GPBAR1: variants seen among roughly 807,000 people sequenced by gnomAD.
GPBAR1 encodes G protein-coupled bile acid receptor 1, also known as G-protein coupled bile acid receptor 1.
In GPBAR1, 13 loss-of-function variants were observed where a neutral mutation model predicts 13.0. The observed-to-expected ratio is 1.00, with a 90% CI of 0.65 to 1.59. GPBAR1 has a LOEUF of 1.59. Ranked by LOEUF, GPBAR1 falls within the 40% of genes most tolerant of loss-of-function variation. GPBAR1 has a pLI of 0.00. For missense variants in GPBAR1, 398 were observed against 436.4 expected (o/e 0.91, Z 0.78); for synonymous variants, 193 against 205.2 (o/e 0.94, Z 0.51).
rs907420454 is a variant in GPBAR1 at position 218,263,351 on chromosome 2, T to C, written c.627T>C (p.Asp209=). ...ICRLERAVCR[D]EPSALARALT... ...GGCTGGAGCGGGCAGTGTGCCGCGATGAGCCCTCCGCCCTGGCCCGGGCCC... is the reference window on the plus strand; with the variant it reads ...GGCTGGAGCGGGCAGTGTGCCGCGACGAGCCCTCCGCCCTGGCCCGGGCCC... Residue 209 remains aspartate (D), a synonymous_variant, in exon 2 of 2, where the codon GAT becomes GAC. Transcript: ENST00000519574. This position sits in a 1 kb window ranked among gnomAD's most constrained non-coding sequence, Gnocchi z 4.2. 1.2e-6 allele frequency: 2 copies of C among 1,600,610 alleles called. No individual in the cohort carries two copies. The highest frequency in any genetic ancestry group is 1.3e-5 in the African/African-American group (1 of 74,802).
chr2:218,262,955 G>C lies in GPBAR1; in HGVS notation c.231G>C (p.Gln77His), dbSNP rs1690477668. ...ALPTLPGLWN[Q>H]SRRGYWSCLL... Reference sequence around the variant, plus strand: ...CCACATTGCCAGGGCTGTGGAACCAGAGTCGCCGGGGTTACTGGTCCTGCC... The same window carrying C: ...CCACATTGCCAGGGCTGTGGAACCACAGTCGCCGGGGTTACTGGTCCTGCC... The change falls in exon 2 of 2, where the codon CAG (glutamine) becomes CAC (histidine). Residue 77 changes from glutamine to histidine, a missense_variant. Transcript: ENST00000519574. The surrounding 1 kb of genome is among the most constrained non-coding windows in gnomAD (Gnocchi z 5.1). 1.2e-6 allele frequency: 2 copies of C among 1,613,846 alleles called. No individual in the cohort carries two copies. The highest frequency in any genetic ancestry group is 2.2e-5 in the South Asian group (2 of 91,074).
Position 218,263,593 on chromosome 2 carries a change from C to G in GPBAR1, c.869C>G (p.Pro290Arg). The G allele has an allele frequency of 6.2e-7, 1 of 1,612,786 alleles. No individual in the cohort carries two copies. The highest frequency in any genetic ancestry group is 8.5e-7 in the Non-Finnish European group (1 of 1,179,840). The part of the protein sequence containing the change: ...MGLGDQRYTA[P>R]WRAAAQRCLQ... ...CTGGGCGATCAGCGCTACACAGCCC[C>G]CTGGAGGGCAGCCGCCCAAAGGTGC... The change falls in exon 2 of 2, where the codon CCC (proline) becomes CGC (arginine). Residue 290 changes from proline to arginine, a missense_variant. Coordinates refer to ENST00000519574, the MANE Select transcript of GPBAR1 (RefSeq NM_170699.3). This position sits in a 1 kb window ranked among gnomAD's most constrained non-coding sequence, Gnocchi z 4.2.
At chr2:218,260,700 A>C (rs1168906971), upstream of GPBAR1, among the ~76,000 whole-genome samples, 1 of 152,194 alleles carries the variant, frequency 6.6e-6, no homozygotes, top group Non-Finnish European at 1.5e-5. Context: ...CCACCATCAC[A>C]CACGGAAGTG....
chr2:218,262,513 A>T lies in GPBAR1; in HGVS notation c.-45-167A>T, dbSNP rs565915956. On this transcript the variant is annotated intron_variant, in intron 1 of 1. Coordinates refer to ENST00000519574, the MANE Select transcript of GPBAR1 (RefSeq NM_170699.3). The surrounding 1 kb of genome is among the most constrained non-coding windows in gnomAD (Gnocchi z 5.1). ...TGAATTTTCAATAGAAACCAAAGAT[A>T]GTTTTTTATATAAATGTTTAATTGG... is the stretch of plus-strand genomic sequence containing the variant. The T allele has an allele frequency of 1.7e-6, 1 of 578,524 alleles. No homozygotes were observed. Among genetic ancestry groups the T allele is most frequent in the African/African-American group, 1.9e-5 (1 of 53,734 alleles). The allele number at this position is 578,524 out of a possible 1,614,324, so 35.8% of individuals were successfully genotyped here.
chr2:218,263,388 C>A lies in GPBAR1; in HGVS notation c.664C>A (p.Gln222Lys), dbSNP rs199890966. 5.0e-6 allele frequency: 8 copies of A among 1,598,204 alleles called. No individual in the cohort carries two copies. Among genetic ancestry groups the A allele is most frequent in the Non-Finnish European group, 6.8e-6 (8 of 1,173,890 alleles). Residue 222 changes from glutamine (Q) to lysine (K), a missense_variant, in exon 2 of 2, where the codon CAG (glutamine) becomes AAG (lysine). Transcript: ENST00000519574. This position sits in a 1 kb window ranked among gnomAD's most constrained non-coding sequence, Gnocchi z 4.2. Reference protein sequence around the residue: ...SALARALTWRQARAQAGAMLL... With the variant: ...SALARALTWRKARAQAGAMLL... ...CCTGGCCCGGGCCCTTACCTGGAGG[C>A]AGGCAAGGGCACAGGCTGGAGCCAT...
chr2:218,262,979 C>T lies in GPBAR1; in HGVS notation c.255C>T (p.Cys85=). The change falls in exon 2 of 2, where the codon TGC becomes TGT. Residue 85 remains cysteine, a synonymous_variant. Transcript: ENST00000519574. This position sits in a 1 kb window ranked among gnomAD's most constrained non-coding sequence, Gnocchi z 5.1. ...WNQSRRGYWS[C]LLVYLAPNFS... is the part of the protein sequence containing the mutation. ...AGAGTCGCCGGGGTTACTGGTCCTG[C>T]CTCCTCGTCTACTTGGCTCCCAACT... The T allele has an allele frequency of 1.9e-6, 3 of 1,613,890 alleles. No individual in the cohort carries two copies. Among genetic ancestry groups the T allele is most frequent in the Non-Finnish European group, 2.5e-6 (3 of 1,179,862 alleles).
chr2:218,259,707 C>T (rs978500494), upstream of GPBAR1: 1 of 152,324 alleles, frequency 6.6e-6, no homozygotes, highest in Non-Finnish European at 1.5e-5. Flanking sequence ...GCCCAGCTCT[C>T]CCGGAGAGCA....
Position 218,262,881 on chromosome 2 carries a change from T to G in GPBAR1, c.157T>G (p.Phe53Val), listed in dbSNP as rs370152013. Residue 53 changes from phenylalanine (F) to valine (V), a missense_variant, in exon 2 of 2, where the codon TTC becomes GTC. By Grantham distance (50) the Phe-to-Val change is conservative. Transcript: ENST00000519574. The surrounding 1 kb of genome is among the most constrained non-coding windows in gnomAD (Gnocchi z 5.1). ...CCTGCGCAGCCCACCTGCTGGCTGC[T>G]TCTTCCTGAGCCTACTGCTGGCTGG... ...RRLRSPPAGC[F>V]FLSLLLAGLL... 6.2e-6 allele frequency: 10 copies of G among 1,612,954 alleles called. No homozygotes were observed. The highest frequency in any genetic ancestry group is 7.6e-6 in the Non-Finnish European group (9 of 1,179,820).
rs1329508030 is a variant in GPBAR1, at chr2:218,263,447, G to A, written c.723G>A (p.Val241=). The A allele has an allele frequency of 1.2e-6, 2 of 1,603,870 alleles. No individual in the cohort carries two copies. Among genetic ancestry groups the A allele is most frequent in the South Asian group, 1.1e-5 (1 of 89,728 alleles). The part of the protein sequence containing the change: ...LLFGLCWGPY[V]ATLLLSVLAY... ...TCGGGCTGTGCTGGGGGCCCTACGT[G>A]GCCACACTGCTCCTCTCAGTCCTGG... Residue 241 remains valine (V), a synonymous_variant, in exon 2 of 2, where the codon GTG becomes GTA. Transcript: ENST00000519574. This position sits in a 1 kb window ranked among gnomAD's most constrained non-coding sequence, Gnocchi z 4.2.
chr2:218,263,081 G>GC lies in GPBAR1; in HGVS notation c.362dup (p.Gly122TrpfsTer89). 1 of 1,613,336 alleles carries GC rather than the reference G, an allele frequency of 6.2e-7. No individual in the cohort carries two copies. The highest frequency in any genetic ancestry group is 8.5e-7 in the Non-Finnish European group (1 of 1,179,850). ...ACATGGCAGTCCTGAGGCCACTCCA[G>GC]CCCCCTGGGAGCATTCGGCTGGCCC... On this transcript the variant is annotated frameshift_variant, in exon 2 of 2. Coordinates refer to ENST00000519574, the MANE Select transcript of GPBAR1 (RefSeq NM_170699.3). LOFTEE classifies it high-confidence loss of function. The surrounding 1 kb of genome is among the most constrained non-coding windows in gnomAD (Gnocchi z 4.2).
At position 218,263,471 on chromosome 2, in the gene GPBAR1, G is replaced by C; in HGVS notation, c.747G>C (p.Leu249=). 1 of 1,606,728 alleles carries C rather than the reference G, an allele frequency of 6.2e-7. No individual in the cohort carries two copies. Among genetic ancestry groups the C allele is most frequent in the Non-Finnish European group, 8.5e-7 (1 of 1,177,322 alleles). Residue 249 remains leucine (L), a synonymous_variant, in exon 2 of 2, where the codon CTG becomes CTC. Coordinates refer to ENST00000519574, the MANE Select transcript of GPBAR1 (RefSeq NM_170699.3). This position sits in a 1 kb window ranked among gnomAD's most constrained non-coding sequence, Gnocchi z 4.2. ...PYVATLLLSV[L]AYEQRPPLGP... ...TGGCCACACTGCTCCTCTCAGTCCT[G>C]GCCTATGAGCAGCGCCCGCCACTGG...
rs927173480 is a variant in GPBAR1, at chr2:218,262,729, C to T, written c.5C>T (p.Thr2Met). The T allele has an allele frequency of 7.6e-6, 12 of 1,581,924 alleles. No homozygotes were observed. Among genetic ancestry groups the T allele is most frequent in the East Asian group, 4.5e-5 (2 of 44,226 alleles). Residue 2 changes from threonine (T) to methionine (M), a missense_variant, in exon 2 of 2, where the codon ACG (threonine) becomes ATG (methionine). By Grantham distance (81) the Thr-to-Met change is moderately conservative. Coordinates refer to ENST00000519574, the MANE Select transcript of GPBAR1 (RefSeq NM_170699.3). This position sits in a 1 kb window ranked among gnomAD's most constrained non-coding sequence, Gnocchi z 5.1. ...TCCCCTGTCCCCAGGACCAAGATGA[C>T]GCCCAACAGCACTGGCGAGGTGCCC... M[T>M]PNSTGEVPSP...
rs749647848 is a variant in GPBAR1, at chr2:218,262,973, G to A, written c.249G>A (p.Trp83Ter). 3.1e-6 allele frequency: 5 copies of A among 1,613,904 alleles called. No individual in the cohort carries two copies. The highest frequency in any genetic ancestry group is 4.2e-6 in the Non-Finnish European group (5 of 1,179,866). The change falls in exon 2 of 2, where the codon TGG (tryptophan) becomes TGA (stop). Residue 83 changes from tryptophan to a stop codon, truncating the protein, a stop_gained. Coordinates refer to ENST00000519574, the MANE Select transcript of GPBAR1 (RefSeq NM_170699.3). LOFTEE classifies it high-confidence loss of function. The surrounding 1 kb of genome is among the most constrained non-coding windows in gnomAD (Gnocchi z 5.1). ...GGAACCAGAGTCGCCGGGGTTACTG[G>A]TCCTGCCTCCTCGTCTACTTGGCTC... ...GLWNQSRRGY[W>*]SCLLVYLAPN...
In GPBAR1 at chr2:218,263,811, C is replaced by G. The variant is rs1417864281; in HGVS notation, c.*94C>G. On this transcript the variant is annotated 3_prime_UTR_variant, in exon 2 of 2. Transcript: ENST00000519574. This position sits in a 1 kb window ranked among gnomAD's most constrained non-coding sequence, Gnocchi z 4.2. The stretch of plus-strand genomic sequence containing the variant: ...GCCCCACTTCTCTGGATCAGAGACC[C>G]TGCCTCTGTTTGACCCCGCACTGAC... 1 of 1,451,834 alleles carries G rather than the reference C, an allele frequency of 6.9e-7. No individual in the cohort carries two copies. Among genetic ancestry groups the G allele is most frequent in the African/African-American group, 1.4e-5 (1 of 71,666 alleles). 89.9% of individuals were successfully genotyped at this position (1,451,834 alleles called of 1,614,324 possible). A position where few individuals can be genotyped will look rare whatever the true frequency, so the allele number is the denominator to read the frequency against.
chr2:218,262,816 C>T lies in GPBAR1; in HGVS notation c.92C>T (p.Ala31Val), dbSNP rs201963856. 3.2e-5 allele frequency: 52 copies of T among 1,613,392 alleles called. No homozygotes were observed. In the Middle Eastern group the frequency reaches 9.9e-4, roughly 31 times the overall value. The change falls in exon 2 of 2, where the codon GCG (alanine) becomes GTG (valine). Residue 31 changes from alanine (A) to valine (V), a missense_variant. Coordinates refer to ENST00000519574, the MANE Select transcript of GPBAR1 (RefSeq NM_170699.3). The surrounding 1 kb of genome is among the most constrained non-coding windows in gnomAD (Gnocchi z 5.1). ...SLALASLIIT[A>V]NLLLALGIAW... ...GCCCTGGCAAGCCTCATCATCACCG[C>T]GAACCTGCTCCTAGCCCTGGGCATC...
chr2:218,262,632 G>A lies in GPBAR1; in HGVS notation c.-45-48G>A, dbSNP rs886252170. 3 of 1,354,054 alleles carry A rather than the reference G, an allele frequency of 2.2e-6. No homozygotes were observed. Among genetic ancestry groups the A allele is most frequent in the African/African-American group, 2.9e-5 (2 of 68,132 alleles). 83.9% of individuals were successfully genotyped at this position (1,354,054 alleles called of 1,614,324 possible). A position where few individuals can be genotyped will look rare whatever the true frequency, so the allele number is the denominator to read the frequency against. On this transcript the variant is annotated intron_variant, in intron 1 of 1. Coordinates refer to ENST00000519574, the MANE Select transcript of GPBAR1 (RefSeq NM_170699.3). This position sits in a 1 kb window ranked among gnomAD's most constrained non-coding sequence, Gnocchi z 5.1. Reference sequence around the variant, plus strand: ...GGATTAACATGCTGCCCTGCCAGGAGGACACGACCTGCAGCCCCATCCTAA... The same window carrying A: ...GGATTAACATGCTGCCCTGCCAGGAAGACACGACCTGCAGCCCCATCCTAA...
At position 218,263,127 on chromosome 2, in the gene GPBAR1, C is replaced by T. The variant is rs994702901; in HGVS notation, c.403C>T (p.Pro135Ser). The T allele has an allele frequency of 4.3e-6, 7 of 1,612,504 alleles. No individual in the cohort carries two copies. In the South Asian group the frequency reaches 4.4e-5, roughly 10 times the overall value. ...GGCCCTGCTCCTCACCTGGGCTGGT[C>T]CCCTGCTCTTTGCCAGTCTGCCCGC... ...RLALLLTWAG[P>S]LLFASLPALG... The change falls in exon 2 of 2, where the codon CCC becomes TCC. Residue 135 changes from proline (P) to serine (S), a missense_variant. Transcript: ENST00000519574. The surrounding 1 kb of genome is among the most constrained non-coding windows in gnomAD (Gnocchi z 4.2).
upstream of GPBAR1, among the ~76,000 whole-genome samples, chr2:218,260,704 G>A (rs536070562): frequency 7.9e-5 from 12 of 152,182 alleles, no homozygotes; most frequent in African/African-American, 2.9e-4. Context: ...CATCACACAC[G>A]GAAGTGTGGA....
upstream of GPBAR1, among the ~76,000 whole-genome samples, chr2:218,260,434 C>T (rs1263477032): frequency 2.0e-5 from 3 of 152,198 alleles, no homozygotes; most frequent in Admixed American, 1.3e-4. Context: ...TTCCCCACCA[C>T]GACCTTAATT....
Sources: gnomAD v4.1 joint callset for allele counts (sites outside exome capture counted in the v4.1 genomes callset) on GRCh38, gnomAD v4.1.1 for gene constraint, Gnocchi (gnomAD v3.1) non-coding constraint, MANE v1.5 for transcripts, NCBI Gene and HGNC (gene_info 2026-07-23, HGNC 2026-07-21) for gene names.